TRPM3: variants seen among roughly 807,000 people sequenced by gnomAD.
The protein encoded by TRPM3 is transient receptor potential cation channel subfamily M member 3.
Under a neutral mutation model 181.2 loss-of-function variants are expected in TRPM3, and 77 were observed. The ratio of observed to expected loss-of-function variants is 0.42; its 90% CI spans 0.35 to 0.51. The LOEUF is 0.51. Among genes scored for constraint, TRPM3 ranks in the 20% least tolerant of loss-of-function variants. TRPM3 has a pLI of 0.01. For synonymous variants in TRPM3, 745 were observed against 796.4 expected (o/e 0.94, Z 1.09); for missense variants, 1,759 against 2,196.7 (o/e 0.80, Z 3.98).
chr9:70,933,164 G>A (rs906466980), intron 1 of TRPM3, among the ~76,000 whole-genome samples: 3 of 152,142 alleles, frequency 2.0e-5, no homozygotes, highest in African/African-American at 4.8e-5. Context: ...GGTTTGCAAC[G>A]TTTGTGGTTC....
intron 1 of TRPM3, among the ~76,000 whole-genome samples, chr9:71,056,298 A>G (rs1054861150): frequency 2.0e-5 from 3 of 152,082 alleles, no homozygotes; most frequent in African/African-American, 7.2e-5. Flanking sequence ...TAATCTTTTC[A>G]TATTATGTTC....
chr9:71,334,640 T>C (rs777458633), intron 1 of TRPM3, among the ~76,000 whole-genome samples: 4 of 152,092 alleles, frequency 2.6e-5, no homozygotes, highest in Non-Finnish European at 5.9e-5. Context: ...TTATCTCAAA[T>C]TGTGTTTTCT....
At chr9:71,331,717 G>A (rs1324419941) in intron 1 of TRPM3, among the ~76,000 whole-genome samples, 1 of 116,020 alleles carries the variant, frequency 8.6e-6, no homozygotes. Flanking sequence ...AGAAAAAGGA[G>A]GAGGAAAAGG....
In TRPM3 at chr9:70,910,107, G is replaced by GC. The variant is rs145687111; in HGVS notation, c.178-45597dup. ...TTCACCAAAAAATATGTGTATAAGT[G>GC]CTTACAGTACCATTATTCATAATAG... is the stretch of plus-strand genomic sequence containing the variant. On this transcript the variant is annotated intron_variant, in intron 1 of 25. Coordinates refer to ENST00000677713, the MANE Select transcript of TRPM3 (RefSeq NM_001366145.2). Among the ~76,000 whole-genome samples the GC allele has an allele frequency of 5.3e-3, 809 of 152,182 alleles. 4 individuals carry two copies. The highest frequency in any genetic ancestry group is 8.6e-3 in the Non-Finnish European group (588 of 67,996).
intron 1 of TRPM3, among the ~76,000 whole-genome samples, chr9:71,040,206 TAAGC>T (rs2058668473): frequency 6.6e-6 from 1 of 152,216 alleles, no homozygotes. Context: ...CTTATGTCTT[TAAGC>T]AGAAAGAGCT....
intron 1 of TRPM3, among the ~76,000 whole-genome samples, chr9:71,293,291 T>C (rs762905881): frequency 6.6e-6 from 1 of 151,804 alleles, no homozygotes; most frequent in Non-Finnish European, 1.5e-5. Context: ...TGTGAGTCAA[T>C]GCAGTAAGTC....
intron 1 of TRPM3, among the ~76,000 whole-genome samples, chr9:71,236,800 AC>A: frequency 6.6e-6 from 1 of 152,322 alleles, no homozygotes; most frequent in South Asian, 2.1e-4. Context: ...TAATCCCAGC[AC>A]TTTGGGAGGC....
intron 8 of TRPM3, among the ~76,000 whole-genome samples, chr9:70,699,559 G>A (rs2071719429): frequency 6.6e-6 from 1 of 152,140 alleles, no homozygotes; most frequent in African/African-American, 2.4e-5. Context: ...CTTGAGCCAG[G>A]CACTTTATAT....
intron 1 of TRPM3, among the ~76,000 whole-genome samples, chr9:71,177,501 T>C (rs1402640902): frequency 6.6e-6 from 1 of 152,094 alleles, no homozygotes; most frequent in Non-Finnish European, 1.5e-5. Flanking sequence ...GTTTGCACAA[T>C]GACAAAATTG....
At chr9:70,808,537 A>G (rs1469918968) in intron 6 of TRPM3, among the ~76,000 whole-genome samples, 2 of 152,232 alleles carry the variant, frequency 1.3e-5, no homozygotes, top group Non-Finnish European at 2.9e-5. Flanking sequence ...TTTTGGCTTC[A>G]TTATTACCTT....
chr9:71,273,017 G>C (rs1461983714), intron 1 of TRPM3, among the ~76,000 whole-genome samples: 1 of 151,982 alleles, frequency 6.6e-6, no homozygotes, highest in Non-Finnish European at 1.5e-5. Flanking sequence ...TGGGACTACA[G>C]GTTCATGCAA....
In TRPM3 at chr9:71,379,702, T is replaced by A. The variant is rs541185170; in HGVS notation, c.183+66951A>T. ...TTTTTTTTCTTTCCCAGAATCTTTT[T>A]TTTTAATTCAAATAAATACTTGGTC... On this transcript the variant is annotated intron_variant, in intron 1 of 24. Transcript: ENST00000357533. 2.6e-3 allele frequency among the ~76,000 whole-genome samples: 310 copies of A among 121,196 alleles called. 1 individual carries two copies. Among genetic ancestry groups the A allele is most frequent in the African/African-American group, 7.4e-3 (295 of 40,060 alleles). The allele number at this position is 121,196 out of a possible 152,430, so 79.5% of individuals were successfully genotyped here.
rs1349523227 is a variant in TRPM3 at position 70,688,303 on chromosome 9, T to A, written c.1273-6725A>T. Among the ~76,000 whole-genome samples, 8 of 143,590 alleles carry A rather than the reference T, an allele frequency of 5.6e-5. 2 individuals carry two copies. The highest frequency in any genetic ancestry group is 4.9e-4 in the Admixed American group (7 of 14,346). 94.2% of individuals were successfully genotyped at this position (143,590 alleles called of 152,430 possible). A position where few individuals can be genotyped will look rare whatever the true frequency, so the allele number is the denominator to read the frequency against. On this transcript the variant is annotated intron_variant, in intron 8 of 25. Transcript: ENST00000677713. ...TCACACTCCCAAAACTTTAAAAAAA[T>A]TATTTTTATTTCAATAGTTTTTGGA...
At chr9:71,093,574 AAGTC>A (rs1361946541) in intron 1 of TRPM3, among the ~76,000 whole-genome samples, 17 of 152,224 alleles carry the variant, frequency 1.1e-4, no homozygotes, top group Admixed American at 1.1e-3. Flanking sequence ...GATCTTTAAA[AAGTC>A]AGGCAACAAT....
rs750030698 is a variant in TRPM3, at chr9:70,549,653, T to G, written c.3596A>C (p.Glu1199Ala). ...TTCAAAGTCATGTACTTTCTTGAGC[T>G]CATCATCGGTTATGAAGAGTTCTGT... is the stretch of plus-strand genomic sequence containing the variant. The part of the protein sequence containing the change: ...YGLKLFITDD[E>A]LKKVHDFEEQ... Residue 1199 changes from glutamate to alanine, a missense_variant, in exon 25 of 26, where the codon GAG becomes GCG. Coordinates refer to ENST00000677713, the MANE Select transcript of TRPM3 (RefSeq NM_001366145.2). The G allele has an allele frequency of 2.0e-5, 32 of 1,608,966 alleles. No individual in the cohort carries two copies. In the South Asian group the frequency reaches 3.1e-4, roughly 16 times the overall value.
chr9:70,820,624 T>C (rs1290935061), intron 6 of TRPM3, among the ~76,000 whole-genome samples: 3 of 152,134 alleles, frequency 2.0e-5, no homozygotes, highest in Non-Finnish European at 4.4e-5. Context: ...TGAGGCTGTG[T>C]AGACATGGCA....
At chr9:71,371,323 G>C (rs1389320389) in intron 1 of TRPM3, among the ~76,000 whole-genome samples, 1 of 152,140 alleles carries the variant, frequency 6.6e-6, no homozygotes, top group African/African-American at 2.4e-5. Flanking sequence ...AGATCCTCTG[G>C]AAAGGATCCA....
chr9:70,619,608 T>G (rs1166331464), intron 16 of TRPM3, among the ~76,000 whole-genome samples: 1 of 150,930 alleles, frequency 6.6e-6, no homozygotes, highest in Non-Finnish European at 1.5e-5. Flanking sequence ...GGAGATGGGG[T>G]CTTGCTATGT....
intron 1 of TRPM3, among the ~76,000 whole-genome samples, chr9:71,372,852 A>G (rs936498459): frequency 2.6e-5 from 4 of 152,136 alleles, no homozygotes; most frequent in African/African-American, 9.7e-5. Context: ...TGTAATCAAT[A>G]TTTACCTCTA....
Sources: gnomAD v4.1 joint callset for allele counts (sites outside exome capture counted in the v4.1 genomes callset) on GRCh38, gnomAD v4.1.1 for gene constraint, MANE v1.5 for transcripts, NCBI Gene and HGNC (gene_info 2026-07-23, HGNC 2026-07-21) for gene names.